The following PRLR variants were observed in gnomAD, a reference collection of about 807,000 sequenced individuals.
PRLR encodes the protein hPRL receptor.
In PRLR, 13 loss-of-function variants were observed where a neutral mutation model predicts 40.2. That is an observed-to-expected ratio of 0.32 (90% CI 0.21 to 0.51). The LOEUF (loss-of-function observed/expected upper bound fraction) is 0.51, where lower values mean the gene tolerates loss of function less well. PRLR is among the 20% of genes least tolerant of loss of function. The pLI is 0.97. For missense variants in PRLR, 656 were observed against 747.3 expected (o/e 0.88, Z 1.42); for synonymous variants, 269 against 278.7 (o/e 0.97, Z 0.35).
In PRLR at chr5:35,119,047, G is replaced by C. The variant is rs185023338; in HGVS notation, c.-105-925C>G. On this transcript the variant is annotated intron_variant, in intron 1 of 9. Transcript: ENST00000618457. ...CTGGCGTCAATGATCTGCCTGCCTC[G>C]TACTCCCAAAGTGCTGGGATTATAG... Among the ~76,000 whole-genome samples the C allele has an allele frequency of 1.5e-3, 227 of 152,142 alleles. 2 individuals carry two copies. The highest frequency in any genetic ancestry group is 0.014 in the Admixed American group (220 of 15,274).
rs1165622974 is a variant in PRLR at position 35,049,409 on chromosome 5, C to T, written c.1010-1G>A. The T allele has an allele frequency of 1.4e-6, 1 of 702,808 alleles. No homozygotes were observed. The highest frequency in any genetic ancestry group is 2.6e-6 in the Non-Finnish European group (1 of 384,994). The allele number at this position is 702,808 out of a possible 1,614,324, so 43.5% of individuals were successfully genotyped here. ...GAGGCACCCAACATCAAGGGGTCAC[C>T]TGGAGTGGGGAAGAAAAACAGTACA... On this transcript the variant is annotated splice_acceptor_variant, in intron 8 of 8. Transcript: ENST00000231423. LOFTEE classifies it high-confidence loss of function.
rs779966063 is a variant in PRLR, at chr5:35,065,430, C to T, written c.1528G>A (p.Val510Met). 1.9e-6 allele frequency: 3 copies of T among 1,614,138 alleles called. No individual in the cohort carries two copies. In the South Asian group the frequency reaches 3.3e-5, roughly 18 times the overall value. Residue 510 changes from valine to methionine, a missense_variant, in exon 10 of 10, where the codon GTG (valine) becomes ATG (methionine). Transcript: ENST00000618457. The stretch of plus-strand genomic sequence containing the variant: ...TCTTTGTTGACCTTGTGAATCTCCA[C>T]ATAATCCAAGGGTTTAGCGGAGCCA... ...PFGSAKPLDYVEIHKVNKDGA... is the reference protein window; with the variant it reads ...PFGSAKPLDYMEIHKVNKDGA...
chr5:35,067,134 T>C (rs1305955669), intron 9 of PRLR, among the ~76,000 whole-genome samples: 1 of 152,182 alleles, frequency 6.6e-6, no homozygotes, highest in Non-Finnish European at 1.5e-5. Flanking sequence ...TTATAGGGTA[T>C]GTGACTTTGG....
chr5:35,156,445 A>G (rs1255227723), intron 1 of PRLR, among the ~76,000 whole-genome samples: 1 of 152,192 alleles, frequency 6.6e-6, no homozygotes, highest in African/African-American at 2.4e-5. Context: ...TTCTGCTCAT[A>G]AGTGCTTACC....
chr5:35,084,785 A>G (rs1338572308), intron 4 of PRLR, 146 bp from the exon 5 acceptor site: 2 of 717,392 alleles, frequency 2.8e-6, no homozygotes, highest in East Asian at 6.3e-5. Context: ...TTAGGCTTCC[A>G]TGTTCTGCCC....
At chr5:35,072,495 G>A (rs1769811762) in intron 6 of PRLR, 80 bp downstream of exon 6, 1 of 1,464,074 alleles carries the variant, frequency 6.8e-7, no homozygotes, top group Non-Finnish European at 9.3e-7. Context: ...GTAATTAGGA[G>A]GAATGACCTG....
intron 1 of PRLR, among the ~76,000 whole-genome samples, chr5:35,153,694 C>T (rs901227197): frequency 2.6e-4 from 39 of 151,242 alleles, no homozygotes; most frequent in African/African-American, 8.6e-4. Flanking sequence ...GCTCATTGCT[C>T]TGCCAACTGT....
intron 2 of PRLR, among the ~76,000 whole-genome samples, chr5:35,113,255 A>G (rs976905854): frequency 1.5e-5 from 2 of 130,676 alleles, no homozygotes; most frequent in Admixed American, 1.7e-4. Context: ...CCACCCACCC[A>G]TTTATCCACC....
At chr5:35,081,319 A>G (rs548563833) in intron 5 of PRLR, 5 of 186,856 alleles carry the variant, frequency 2.7e-5, no homozygotes, top group South Asian at 1.2e-4. Flanking sequence ...CCAGAACATG[A>G]TCTGTGCATC....
chr5:35,200,398 A>C (rs1323370450), intron 1 of PRLR, among the ~76,000 whole-genome samples: 1 of 152,034 alleles, frequency 6.6e-6, no homozygotes, highest in Non-Finnish European at 1.5e-5. Flanking sequence ...GAATACAAAA[A>C]CTCTGAGGGC....
In PRLR at chr5:35,065,626, T is replaced by G. The variant is rs748285312; in HGVS notation, c.1332A>C (p.Ala444=). Residue 444 remains alanine, a synonymous_variant, in exon 10 of 10, where the codon GCA becomes GCC. Coordinates refer to ENST00000618457, the MANE Select transcript of PRLR (RefSeq NM_000949.7). The part of the protein sequence containing the change: ...TDVCELAVGP[A]GAPATLLNEA... ...CATTCAACAGAGTGGCCGGTGCACC[T>G]GCAGGGCCCACAGCCAGCTCACACA... is the stretch of plus-strand genomic sequence containing the variant. 4.3e-6 allele frequency: 7 copies of G among 1,613,880 alleles called. No homozygotes were observed. The African/African-American group carries it at 5.3e-5, about 12-fold the overall frequency.
intron 1 of PRLR, among the ~76,000 whole-genome samples, chr5:35,123,132 T>C (rs1016839418): frequency 2.6e-5 from 4 of 152,100 alleles, no homozygotes; most frequent in African/African-American, 7.2e-5. Flanking sequence ...AGGATAGGAA[T>C]TGACAAATAG....
intron 1 of PRLR, among the ~76,000 whole-genome samples, chr5:35,134,860 C>A (rs910827856): frequency 2.7e-4 from 41 of 152,138 alleles, no homozygotes; most frequent in Admixed American, 2.5e-3. Flanking sequence ...GATTTAATGG[C>A]GTGGGGTGCC....
intron 2 of PRLR, among the ~76,000 whole-genome samples, chr5:35,106,902 C>T (rs1048509349): frequency 1.3e-5 from 2 of 152,174 alleles, no homozygotes; most frequent in Non-Finnish European, 2.9e-5. Flanking sequence ...GAACTCTCCA[C>T]CCCAAATCAA....
chr5:35,192,610 C>A (rs1248811030), intron 1 of PRLR, among the ~76,000 whole-genome samples: 2 of 152,226 alleles, frequency 1.3e-5, no homozygotes, highest in East Asian at 3.8e-4. Context: ...CTCTTTCTCT[C>A]CACTACTACC....
At chr5:35,157,073 G>C (rs1386734606) in intron 1 of PRLR, among the ~76,000 whole-genome samples, 1 of 152,006 alleles carries the variant, frequency 6.6e-6, no homozygotes, top group East Asian at 2.0e-4. Context: ...AAGATGCAAT[G>C]AGATATCTTG....
chr5:35,136,712 G>A (rs929693291), intron 1 of PRLR, among the ~76,000 whole-genome samples: 7 of 152,156 alleles, frequency 4.6e-5, no homozygotes, highest in South Asian at 2.1e-4. Context: ...CAACCTCACC[G>A]GCTCCCACTT....
intron 1 of PRLR, among the ~76,000 whole-genome samples, chr5:35,138,230 T>C (rs989849529): frequency 2.6e-5 from 4 of 152,222 alleles, no homozygotes; most frequent in African/African-American, 9.6e-5. Flanking sequence ...TTTTAAAAGA[T>C]ACTTTGGAAG....
intron 2 of PRLR, among the ~76,000 whole-genome samples, chr5:35,096,916 G>A (rs936256854): frequency 5.3e-5 from 8 of 152,066 alleles, no homozygotes; most frequent in Non-Finnish European, 8.8e-5. Context: ...CACTGTGCCC[G>A]GCCTTAAAAT....
Sources: gnomAD v4.1 joint callset for allele counts (sites outside exome capture counted in the v4.1 genomes callset) on GRCh38, gnomAD v4.1.1 for gene constraint, MANE v1.5 for transcripts, NCBI Gene and HGNC (gene_info 2026-07-23, HGNC 2026-07-21) for gene names.